NOX4: variants seen among roughly 807,000 people sequenced by gnomAD.
NOX4 encodes the protein NADPH oxidase 4.
Under a neutral mutation model 87.6 loss-of-function variants are expected in NOX4, and 69 were observed. That is an observed-to-expected ratio of 0.79 (90% confidence interval 0.65 to 0.96). The LOEUF (loss-of-function observed/expected upper bound fraction) is 0.96, where lower values mean the gene tolerates loss of function less well. NOX4 is among the 40% of genes least tolerant of loss of function. The probability of loss-of-function intolerance (pLI) is 0.00; values close to 1 mark genes in which losing one functional copy is unlikely to be tolerated. For synonymous variants in NOX4, 275 were observed against 238.2 expected, an observed-to-expected ratio of 1.15 and a Z score of -1.42; for missense variants, 680 against 681.5, an observed-to-expected ratio of 1.00 and a Z score of 0.02.
chr11:89,518,199 A>G, the NOX4 span, among the ~76,000 whole-genome samples: 1 of 152,076 alleles, frequency 6.6e-6, no homozygotes, highest in Non-Finnish European at 1.5e-5. Flanking sequence ...AAAAAGAAAA[A>G]TTAAACCTAT....
the NOX4 span, among the ~76,000 whole-genome samples, chr11:89,514,271 A>G: frequency 1.3e-5 from 2 of 151,958 alleles, no homozygotes; most frequent in Non-Finnish European, 1.5e-5. Context: ...GCTGTTGTAA[A>G]TGGAATTGTG....
rs150711163 is a variant in NOX4, at chr11:89,472,342, T to G, written c.153+18116A>C. 3.1e-3 allele frequency among the ~76,000 whole-genome samples: 467 copies of G among 152,238 alleles called. 3 individuals are homozygous for G. The highest frequency in any genetic ancestry group is 9.5e-3 in the African/African-American group (396 of 41,564). On this transcript the variant is annotated intron_variant, in intron 2 of 17. Coordinates refer to ENST00000263317, the MANE Select transcript of NOX4 (RefSeq NM_016931.5). ...ATGTAATTTTTGACTCAAGTTGACC[T>G]ATCTTCTCATCTATAATCTGCTTTT...
chr11:89,373,298 A>AT (rs1491198548), intron 12 of NOX4, 134 bp downstream of exon 12: 1 of 383,564 alleles, frequency 2.6e-6, no homozygotes, highest in East Asian at 4.4e-5. Context: ...AAAAAAAAAA[A>AT]CAAAAAAAAA....
At chr11:89,487,164 C>T (rs142777350) in intron 2 of NOX4, among the ~76,000 whole-genome samples, 293 of 152,210 alleles carry the variant, frequency 1.9e-3, no homozygotes, top group African/African-American at 6.9e-3. Flanking sequence ...GGGCTGTATT[C>T]AAATCCTAGC....
chr11:89,393,089 G>T (rs965946734), intron 11 of NOX4, among the ~76,000 whole-genome samples: 2 of 152,128 alleles, frequency 1.3e-5, no homozygotes, highest in Non-Finnish European at 2.9e-5. Context: ...CTAATGCGGT[G>T]GTTGTCAACT....
the NOX4 span, among the ~76,000 whole-genome samples, chr11:89,585,654 T>C: frequency 6.6e-6 from 1 of 152,194 alleles, no homozygotes; most frequent in African/African-American, 2.4e-5. Flanking sequence ...TTAAGGGCCT[T>C]GGTGATCAGC....
chr11:89,357,082 G>A (rs1183328878), intron 12 of NOX4, among the ~76,000 whole-genome samples: 2 of 152,124 alleles, frequency 1.3e-5, no homozygotes, highest in Non-Finnish European at 2.9e-5. Flanking sequence ...CCTAGTTTAT[G>A]AATAACTAGA....
intron 8 of NOX4, among the ~76,000 whole-genome samples, 199 bp from the exon 9 acceptor site, chr11:89,402,741 A>G (rs916992551): frequency 2.6e-5 from 4 of 152,182 alleles, no homozygotes; most frequent in Admixed American, 2.6e-4. Flanking sequence ...TTATCTATAG[A>G]ACTAAAACAA....
At chr11:89,487,029 C>T (rs1384906404) in intron 2 of NOX4, among the ~76,000 whole-genome samples, 3 of 151,944 alleles carry the variant, frequency 2.0e-5, no homozygotes, top group Non-Finnish European at 4.4e-5. Context: ...ATATGACTTG[C>T]TTTATGTTTC....
At chr11:89,562,946 G>T in the NOX4 span, among the ~76,000 whole-genome samples, 112 of 152,240 alleles carry the variant, frequency 7.4e-4, no homozygotes, top group African/African-American at 2.6e-3. Context: ...GATAGTGAGT[G>T]AGTTCTCATG....
At chr11:89,578,740 T>G in the NOX4 span, among the ~76,000 whole-genome samples, 4 of 152,158 alleles carry the variant, frequency 2.6e-5, no homozygotes, top group African/African-American at 9.7e-5. Flanking sequence ...GCAAACACAT[T>G]AAATCAGATT....
At chr11:89,444,271 A>T in intron 4 of NOX4, 39 bp from the exon 5 acceptor site, 1 of 1,541,690 alleles carries the variant, frequency 6.5e-7, no homozygotes, top group Non-Finnish European at 9.0e-7. Flanking sequence ...TGGGATTTGC[A>T]TATATGCTCT....
chr11:89,566,673 T>C, the NOX4 span, among the ~76,000 whole-genome samples: 2 of 152,122 alleles, frequency 1.3e-5, no homozygotes, highest in African/African-American at 4.8e-5. Flanking sequence ...CAGACCATCA[T>C]GAAGTCCAGT....
Position 89,449,455 on chromosome 11 carries a change from T to C in NOX4, c.334A>G (p.Ile112Val). 2 of 1,609,508 alleles carry C rather than the reference T, an allele frequency of 1.2e-6. No homozygotes were observed. Among genetic ancestry groups the C allele is most frequent in the Non-Finnish European group, 1.7e-6 (2 of 1,177,236 alleles). The change falls in exon 4 of 18, where the codon ATC becomes GTC. Residue 112 changes from isoleucine (I) to valine (V), a missense_variant. Physicochemically the swap from Ile to Val is conservative, Grantham distance 29 (BLOSUM62 3). Coordinates refer to ENST00000263317, the MANE Select transcript of NOX4 (RefSeq NM_016931.5). ...GCTTTCTCACCTGAGAAAATACAGA[T>C]AGTAACACCACAGGTAATATGGAAT... Reference protein sequence around the residue: ...RTFHITCGVTICIFSGVHVAA... With the variant: ...RTFHITCGVTVCIFSGVHVAA...
At chr11:89,516,765 C>T in the NOX4 span, among the ~76,000 whole-genome samples, 14 of 152,038 alleles carry the variant, frequency 9.2e-5, no homozygotes, top group Non-Finnish European at 1.8e-4. Flanking sequence ...CCCCTTTGAA[C>T]TTCCAGCTGT....
the NOX4 span, among the ~76,000 whole-genome samples, chr11:89,581,192 G>C: frequency 2.0e-5 from 3 of 152,142 alleles, no homozygotes; most frequent in African/African-American, 7.2e-5. Context: ...GCAAGATAAA[G>C]CATAGTCCTT....
the NOX4 span, among the ~76,000 whole-genome samples, chr11:89,542,934 A>G: frequency 6.6e-6 from 1 of 152,210 alleles, no homozygotes; most frequent in Non-Finnish European, 1.5e-5. Context: ...GTAGGGAAGT[A>G]TATTGAAATT....
chr11:89,559,495 A>T, the NOX4 span, among the ~76,000 whole-genome samples: 2 of 152,224 alleles, frequency 1.3e-5, no homozygotes, highest in South Asian at 2.1e-4. Flanking sequence ...TCTGTGGCCA[A>T]TTTCAAACTA....
intron 7 of NOX4, among the ~76,000 whole-genome samples, chr11:89,426,960 G>A (rs530978303): frequency 6.6e-6 from 1 of 152,302 alleles, no homozygotes; most frequent in Admixed American, 6.5e-5. Context: ...AGCCTAACTA[G>A]GAGGCACTCC....
Sources: allele counts gnomAD v4.1 joint callset (sites outside exome capture counted in the v4.1 genomes callset), GRCh38; gene constraint gnomAD v4.1.1; transcripts MANE v1.5; gene names NCBI Gene and HGNC (gene_info 2026-07-23, HGNC 2026-07-21).